Variants in CCSER1 observed in about 807,000 individuals in gnomAD.
CCSER1 encodes coiled-coil serine rich protein 1, also known as serine-rich coiled-coil domain-containing protein 1.
In CCSER1, 41 loss-of-function variants were observed where a neutral mutation model predicts 82.0. The observed-to-expected ratio is 0.50, with a 90% confidence interval of 0.39 to 0.65. CCSER1 has a LOEUF of 0.65. CCSER1 is among the 30% of genes least tolerant of loss of function. The probability of loss-of-function intolerance (pLI) is 0.00; values close to 1 mark genes in which losing one functional copy is unlikely to be tolerated. For synonymous variants in CCSER1, 414 were observed against 383.9 expected (o/e 1.08, Z -0.92); for missense variants, 1,119 against 1,064.2 (o/e 1.05, Z -0.72).
At chr4:90,934,348 A>C (rs1655901163) in intron 9 of CCSER1, among the ~76,000 whole-genome samples, 1 of 152,218 alleles carries the variant, frequency 6.6e-6, no homozygotes, top group African/African-American at 2.4e-5. Flanking sequence ...AGAGAAAATA[A>C]ACATAACTAT....
intron 6 of CCSER1, chr4:90,693,518 G>T (rs1736411987): frequency 6.6e-6 from 1 of 151,728 alleles, no homozygotes; most frequent in African/African-American, 2.4e-5. Flanking sequence ...TCATTGAGGT[G>T]GTTAAGAAAA....
At chr4:90,129,889 A>G (rs2153309919) in intron 1 of CCSER1, among the ~76,000 whole-genome samples, 1 of 152,344 alleles carries the variant, frequency 6.6e-6, no homozygotes, top group South Asian at 2.1e-4. Flanking sequence ...TATTACCTCA[A>G]CTATCCCAAA....
intron 8 of CCSER1, among the ~76,000 whole-genome samples, chr4:90,876,357 C>A (rs1340778682): frequency 6.6e-6 from 1 of 151,966 alleles, no homozygotes; most frequent in African/African-American, 2.4e-5. Context: ...AATTCACAAG[C>A]TAAAATAATC....
intron 4 of CCSER1, among the ~76,000 whole-genome samples, chr4:90,420,482 T>C (rs896444221): frequency 2.6e-5 from 4 of 152,068 alleles, no homozygotes; most frequent in African/African-American, 9.6e-5. Flanking sequence ...ACTAGCTCCA[T>C]GTAGTAAGAT....
chr4:90,659,084 C>CTT (rs3042301), intron 6 of CCSER1, among the ~76,000 whole-genome samples: 68,564 of 137,832 alleles, frequency 0.5, 17,399 homozygotes, highest in Middle Eastern at 0.65. Flanking sequence ...TATGAGAGGG[C>CTT]TTTTTTTTTT....
intron 7 of CCSER1, among the ~76,000 whole-genome samples, chr4:90,811,318 C>T (rs1382910849): frequency 1.3e-5 from 2 of 152,174 alleles, no homozygotes; most frequent in Admixed American, 1.3e-4. Context: ...CAAAAACTTG[C>T]AGCTCCGGAA....
chr4:91,432,441 T>C (rs992008098), intron 10 of CCSER1, among the ~76,000 whole-genome samples: 2 of 152,198 alleles, frequency 1.3e-5, no homozygotes, highest in Non-Finnish European at 2.9e-5. Context: ...TCAATAAATA[T>C]ATAGATTTAT....
rs561718649 is a variant in CCSER1 at position 91,369,270 on chromosome 4, G to A, written c.2218-229302G>A. On this transcript the variant is annotated intron_variant, in intron 10 of 10. Transcript: ENST00000509176. ...CAAAGGGGATTGCTCCTTCAGCCTC[G>A]GCGATGAAACAAGGCAACATGTAGA... is the stretch of plus-strand genomic sequence containing the variant. Among the ~76,000 whole-genome samples, 6 of 152,260 alleles carry A rather than the reference G, an allele frequency of 3.9e-5. No individual in the cohort carries two copies. In the East Asian group the frequency reaches 5.8e-4, roughly 15 times the overall value.
intron 4 of CCSER1, among the ~76,000 whole-genome samples, chr4:90,414,013 T>TATATATATATATATATA (rs1755422871): frequency 8.2e-6 from 1 of 121,296 alleles, no homozygotes; most frequent in African/African-American, 3.1e-5. Flanking sequence ...TATATATATC[T>TATATATATATATATATA]TCTTCCTAAA....
At chr4:90,970,018 A>C (rs149851391) in intron 9 of CCSER1, among the ~76,000 whole-genome samples, 1 of 152,034 alleles carries the variant, frequency 6.6e-6, no homozygotes, top group Non-Finnish European at 1.5e-5. Context: ...TTACAAAGGA[A>C]TATGACAAGA....
intron 1 of CCSER1, among the ~76,000 whole-genome samples, chr4:90,300,535 G>A (rs1732897672): frequency 6.6e-6 from 1 of 152,090 alleles, no homozygotes; most frequent in East Asian, 1.9e-4. Flanking sequence ...TGCGTAAAAA[G>A]TAATTAAGAG....
At chr4:91,486,844 C>A (rs1039010557) in intron 10 of CCSER1, among the ~76,000 whole-genome samples, 3 of 151,982 alleles carry the variant, frequency 2.0e-5, no homozygotes, top group African/African-American at 7.2e-5. Flanking sequence ...AACTGTATTT[C>A]CTGCTAGTTA....
At chr4:90,151,401 T>C (rs750717113) in intron 1 of CCSER1, among the ~76,000 whole-genome samples, 9 of 152,138 alleles carry the variant, frequency 5.9e-5, no homozygotes, top group Non-Finnish European at 8.8e-5. Flanking sequence ...TGTTTTAAAA[T>C]GTTTAGCTTT....
intron 10 of CCSER1, among the ~76,000 whole-genome samples, chr4:91,124,387 A>G (rs1382776510): frequency 6.6e-6 from 1 of 151,832 alleles, no homozygotes; most frequent in Non-Finnish European, 1.5e-5. Flanking sequence ...AAACCTGAAT[A>G]TATAATTTCT....
intron 4 of CCSER1, among the ~76,000 whole-genome samples, chr4:90,431,221 C>T (rs72883397): frequency 0.019 from 2,941 of 152,128 alleles, 102 homozygotes; most frequent in African/African-American, 0.067. Context: ...AAACACAGAT[C>T]TCCTAACAGC....
At chr4:90,931,042 A>G (rs1055169756) in intron 9 of CCSER1, among the ~76,000 whole-genome samples, 3 of 148,318 alleles carry the variant, frequency 2.0e-5, no homozygotes, top group African/African-American at 7.4e-5. Flanking sequence ...TTTGACATAT[A>G]TTTGAAATAT....
At chr4:90,302,566 C>T (rs183714212) in intron 1 of CCSER1, among the ~76,000 whole-genome samples, 41 of 152,142 alleles carry the variant, frequency 2.7e-4, no homozygotes, top group African/African-American at 9.2e-4. Flanking sequence ...TTTGGGACAC[C>T]GAGGCAGGAG....
intron 10 of CCSER1, among the ~76,000 whole-genome samples, chr4:91,481,990 C>T (rs1757941105): frequency 6.6e-6 from 1 of 152,122 alleles, no homozygotes; most frequent in African/African-American, 2.4e-5. Context: ...CAAAAGAAGA[C>T]ATTTATGCAG....
chr4:91,374,897 G>A (rs1750295984), intron 10 of CCSER1, among the ~76,000 whole-genome samples: 1 of 152,172 alleles, frequency 6.6e-6, no homozygotes, highest in African/African-American at 2.4e-5. Context: ...TTAGGAGGCT[G>A]ATGCTGGAGA....
Sources: gnomAD v4.1 joint callset for allele counts (sites outside exome capture counted in the v4.1 genomes callset) on GRCh38, gnomAD v4.1.1 for gene constraint, MANE v1.5 for transcripts, NCBI Gene and HGNC (gene_info 2026-07-23, HGNC 2026-07-21) for gene names.